Variants in FRMD6 observed in about 807,000 individuals in gnomAD.
FRMD6 encodes FERM domain-containing protein 6.
A neutral mutation model predicts 73.2 loss-of-function variants in FRMD6; 37 were observed. That is an observed-to-expected ratio of 0.51 (90% confidence interval 0.39 to 0.66). The LOEUF is 0.66. Ranked by LOEUF, FRMD6 falls within the 30% of genes least tolerant of loss-of-function variation. The pLI, the probability that FRMD6 is intolerant of heterozygous loss-of-function variation, is 0.00. For synonymous variants in FRMD6, 273 were observed against 282.2 expected, an observed-to-expected ratio of 0.97 and a Z score of 0.33; for missense variants, 714 against 780.5, an observed-to-expected ratio of 0.91 and a Z score of 1.02.
the FRMD6 span, among the ~76,000 whole-genome samples, chr14:51,469,432 T>A: frequency 6.7e-6 from 1 of 149,646 alleles, no homozygotes; most frequent in Admixed American, 6.6e-5. Context: ...GCTAACACGG[T>A]GAAACCCCAT....
At chr14:51,672,220 T>A (rs1894058857) in intron 1 of FRMD6, among the ~76,000 whole-genome samples, 1 of 152,202 alleles carries the variant, frequency 6.6e-6, no homozygotes, top group South Asian at 2.1e-4. Context: ...TTGCTGACTG[T>A]CTGGAGAGCC....
chr14:51,678,737 T>C (rs1894571680), intron 1 of FRMD6, among the ~76,000 whole-genome samples: 1 of 151,376 alleles, frequency 6.6e-6, no homozygotes, highest in Non-Finnish European at 1.5e-5. Context: ...GGAGAAAAAC[T>C]GCTGAGTTGC....
rs571325975 is a variant in FRMD6, at chr14:51,589,350, G to T, written c.-147+18940G>T. Among the ~76,000 whole-genome samples the T allele has an allele frequency of 2.4e-3, 61 of 25,212 alleles. No individual in the cohort carries two copies. The Middle Eastern group carries it at 0.037, about 15-fold the overall frequency. The allele number at this position is 25,212 out of a possible 152,430, so 16.5% of individuals were successfully genotyped here. On this transcript the variant is annotated intron_variant, in intron 2 of 14. Transcript: ENST00000356218. ...TGTTTTGGTTGGGTTTTTGTTTTTG[G>T]TTTTTTTTGTTGTTGTTGTTGTTTT...
chr14:51,401,655 C>T, the FRMD6 span, among the ~76,000 whole-genome samples: 9 of 152,138 alleles, frequency 5.9e-5, no homozygotes, highest in Admixed American at 1.3e-4. Context: ...GGAACTTCCC[C>T]GTAGGAGTAT....
chr14:51,486,285 C>T (rs762484935), upstream of FRMD6, among the ~76,000 whole-genome samples: 9 of 152,106 alleles, frequency 5.9e-5, no homozygotes, highest in Non-Finnish European at 1.0e-4. Context: ...CCGCCCTCCT[C>T]GGCCTCCCAA....
chr14:51,459,882 C>CT, the FRMD6 span, among the ~76,000 whole-genome samples: 3 of 23,430 alleles, frequency 1.3e-4, no homozygotes, highest in African/African-American at 6.5e-4. Flanking sequence ...ATTACTGACT[C>CT]TCTTTTTTTT....
At chr14:51,572,813 A>G (rs1210420342) in intron 2 of FRMD6, among the ~76,000 whole-genome samples, 1 of 152,214 alleles carries the variant, frequency 6.6e-6, no homozygotes, top group Non-Finnish European at 1.5e-5. Flanking sequence ...AAGAGCTTTT[A>G]CTTTCCATCA....
intron 3 of FRMD6, among the ~76,000 whole-genome samples, chr14:51,700,660 T>C (rs1340333304): frequency 6.6e-6 from 1 of 151,990 alleles, no homozygotes; most frequent in Non-Finnish European, 1.5e-5. Context: ...CTGCCCTGCT[T>C]TATTATTTTG....
the FRMD6 span, among the ~76,000 whole-genome samples, chr14:51,435,359 T>G: frequency 6.6e-6 from 1 of 151,660 alleles, no homozygotes; most frequent in Non-Finnish European, 1.5e-5. Context: ...GAGGATCACT[T>G]GAGCCCAAGA....
the FRMD6 span, among the ~76,000 whole-genome samples, chr14:51,409,747 C>T: frequency 2.6e-5 from 4 of 152,180 alleles, no homozygotes; most frequent in African/African-American, 9.7e-5. Context: ...CACAGGCACA[C>T]ACCATCATGC....
chr14:51,489,149 G>A (rs1882853782), exon 1 of FRMD6: 1 of 152,210 alleles, frequency 6.6e-6, no homozygotes, highest in Non-Finnish European at 1.5e-5. Context: ...TGAAGGAAGG[G>A]TGTTGGGTGA....
intron 1 of FRMD6, among the ~76,000 whole-genome samples, chr14:51,552,935 C>T (rs544601043): frequency 3.5e-4 from 54 of 152,168 alleles, no homozygotes; most frequent in African/African-American, 1.1e-3. Flanking sequence ...TGCAGGAAGT[C>T]GTAAGTGGAT....
At chr14:51,707,740 C>T (rs1473934804) in intron 6 of FRMD6, among the ~76,000 whole-genome samples, 1 of 152,112 alleles carries the variant, frequency 6.6e-6, no homozygotes, top group Non-Finnish European at 1.5e-5. Context: ...CAAGTATAAA[C>T]TTGCAAGTAT....
chr14:51,570,163 T>G (rs1425558268), intron 1 of FRMD6, among the ~76,000 whole-genome samples: 1 of 152,168 alleles, frequency 6.6e-6, no homozygotes, highest in Non-Finnish European at 1.5e-5. Context: ...CTTGTCACAT[T>G]GTTAGTCCAA....
At chr14:51,681,949 TGTACAATA>T (rs1449603719) in intron 1 of FRMD6, among the ~76,000 whole-genome samples, 1 of 152,210 alleles carries the variant, frequency 6.6e-6, no homozygotes, top group Non-Finnish European at 1.5e-5. Context: ...TTGTTACAAA[TGTACAATA>T]CAATAAAAGC....
intron 2 of FRMD6, among the ~76,000 whole-genome samples, chr14:51,628,799 T>TAAAA (rs1566512046): frequency 2.1e-4 from 2 of 9,312 alleles, no homozygotes; most frequent in Non-Finnish European, 4.5e-4. Flanking sequence ...AGACTCTGTC[T>TAAAA]CAAAAAAAAA....
At chr14:51,472,026 T>A in the FRMD6 span, among the ~76,000 whole-genome samples, 1 of 152,218 alleles carries the variant, frequency 6.6e-6, no homozygotes, top group East Asian at 1.9e-4. Context: ...CCAGACCCTA[T>A]GAGGCAACTG....
intron 2 of FRMD6, among the ~76,000 whole-genome samples, chr14:51,595,007 C>T (rs1039495201): frequency 3.3e-5 from 5 of 152,088 alleles, no homozygotes; most frequent in African/African-American, 9.7e-5. Flanking sequence ...TTGGGTTAAC[C>T]CTGGATACTC....
At chr14:51,719,336 A>T (rs1360627963) in intron 10 of FRMD6, among the ~76,000 whole-genome samples, 3 of 152,234 alleles carry the variant, frequency 2.0e-5, no homozygotes, top group Non-Finnish European at 4.4e-5. Context: ...GGAAATCATC[A>T]AACCAGTAGT....
Sources: gnomAD v4.1 joint callset for allele counts (sites outside exome capture counted in the v4.1 genomes callset) on GRCh38, gnomAD v4.1.1 for gene constraint, MANE v1.5 for transcripts, NCBI Gene and HGNC (gene_info 2026-07-23, HGNC 2026-07-21) for gene names.